PRKAR1B: variants seen among roughly 807,000 people sequenced by gnomAD.
PRKAR1B encodes the protein cAMP-dependent protein kinase type I-beta regulatory subunit.
PRKAR1B carries 22 observed loss-of-function variants against 46.5 expected under a neutral mutation model. The observed-to-expected ratio is 0.47, with a 90% CI of 0.34 to 0.68. The LOEUF is 0.68. PRKAR1B is among the 30% of genes least tolerant of loss of function. The probability of loss-of-function intolerance (pLI) is 0.01; values close to 1 mark genes in which losing one functional copy is unlikely to be tolerated. For synonymous variants in PRKAR1B, 259 were observed against 217.7 expected, an observed-to-expected ratio of 1.19 and a Z score of -1.67; for missense variants, 445 against 535.6, an observed-to-expected ratio of 0.83 and a Z score of 1.67.
rs1554300348 is a variant in PRKAR1B at position 667,153 on chromosome 7, T to TGAA, written c.440+10075_440+10076insTTC. On this transcript the variant is annotated intron_variant, in intron 4 of 10. Transcript: ENST00000537384. This position sits in a 1 kb window ranked among gnomAD's most constrained non-coding sequence, Gnocchi z 4.3. ...ATGAGGATGGTGGTGGTGATGGTGA[T>TGAA]GATAATGATGGTGATGATGACAGTG... 6.7e-6 allele frequency among the ~76,000 whole-genome samples: 1 copy of TGAA among 149,932 alleles called. No homozygotes were observed. Among genetic ancestry groups the TGAA allele is most frequent in the Non-Finnish European group, 1.5e-5 (1 of 66,790 alleles).
chr7:652,122 C>T (rs1784932874), intron 4 of PRKAR1B, among the ~76,000 whole-genome samples: 1 of 138,360 alleles, frequency 7.2e-6, no homozygotes, highest in Non-Finnish European at 1.6e-5. Flanking sequence ...GGAAACCCCT[C>T]TCGGAAGACA....
intron 2 of PRKAR1B, among the ~76,000 whole-genome samples, chr7:685,417 A>G: frequency 8.0e-6 from 1 of 124,840 alleles, no homozygotes; most frequent in South Asian, 3.0e-4. Context: ...TATATACCAA[A>G]AACATTCCAG....
At chr7:634,559 T>G (rs1432838394) in intron 4 of PRKAR1B, among the ~76,000 whole-genome samples, 1 of 151,860 alleles carries the variant, frequency 6.6e-6, no homozygotes, top group Non-Finnish European at 1.5e-5. Flanking sequence ...GTGAGCGCTG[T>G]GCCTGTGATG....
chr7:647,792 G>T lies in PRKAR1B; in HGVS notation c.440+29437C>A, dbSNP rs113353830. 8.1e-3 allele frequency among the ~76,000 whole-genome samples: 898 copies of T among 111,476 alleles called. 7 individuals are homozygous for T. The highest frequency in any genetic ancestry group is 0.029 in the African/African-American group (820 of 28,416). The allele number at this position is 111,476 out of a possible 152,430, so 73.1% of individuals were successfully genotyped here. Reference sequence around the variant, plus strand: ...ACTGCACTCCAGCCTGGGCAACAACGAGACTTCGTCTCCAAAAAAAAAAAA... The same window carrying T: ...ACTGCACTCCAGCCTGGGCAACAACTAGACTTCGTCTCCAAAAAAAAAAAA... On this transcript the variant is annotated intron_variant, in intron 4 of 10. Transcript: ENST00000537384.
At chr7:718,263 C>T (rs1242996539) in intron 1 of PRKAR1B, among the ~76,000 whole-genome samples, 5 of 56,630 alleles carry the variant, frequency 8.8e-5, no homozygotes, top group Non-Finnish European at 1.6e-4. Flanking sequence ...GATACACACA[C>T]ACACACACAC....
At chr7:607,345 AT>A in intron 5 of PRKAR1B, 45 bp downstream of exon 5, 6 of 1,571,024 alleles carry the variant, frequency 3.8e-6, no homozygotes, top group Admixed American at 1.7e-5. Flanking sequence ...TGCATAGTCC[AT>A]TTTTCCCCTC....
In PRKAR1B at chr7:550,082, T is replaced by C. The variant is rs1784082992; in HGVS notation, c.*348A>G. The C allele has an allele frequency of 7.0e-6, 2 of 284,368 alleles. No individual in the cohort carries two copies. The highest frequency in any genetic ancestry group is 1.3e-5 in the Non-Finnish European group (2 of 149,092). The allele number at this position is 284,368 out of a possible 1,614,324, so 17.6% of individuals were successfully genotyped here. A position where few individuals can be genotyped will look rare whatever the true frequency, so the allele number is the denominator to read the frequency against. Reference sequence around the variant, plus strand: ...AGGCCCCAGGGGCAACGTCCTGGCCTGGTTCTGGGGAGGACCGATCCTCAA... The same window carrying C: ...AGGCCCCAGGGGCAACGTCCTGGCCCGGTTCTGGGGAGGACCGATCCTCAA... On this transcript the variant is annotated 3_prime_UTR_variant, in exon 11 of 11. Transcript: ENST00000537384.
intron 4 of PRKAR1B, among the ~76,000 whole-genome samples, chr7:672,215 A>C (rs1367544003): frequency 1.3e-5 from 2 of 151,652 alleles, no homozygotes; most frequent in Admixed American, 6.6e-5. Flanking sequence ...CAGTGGCATG[A>C]TCTCGGCTCA....
rs187366709 is a variant in PRKAR1B at position 646,834 on chromosome 7, G to A, written c.440+30395C>T. 1.1e-4 allele frequency among the ~76,000 whole-genome samples: 16 copies of A among 152,306 alleles called. No homozygotes were observed. In the East Asian group the frequency reaches 1.2e-3, roughly 11 times the overall value. On this transcript the variant is annotated intron_variant, in intron 4 of 10. Transcript: ENST00000537384. The stretch of plus-strand genomic sequence containing the variant: ...AAATGCTTAAATTGGCCATCCGCCC[G>A]ATCATAACAGGAAGAGGGTCCAAAT...
intron 4 of PRKAR1B, among the ~76,000 whole-genome samples, chr7:612,957 G>A (rs928070636): frequency 1.3e-5 from 2 of 151,942 alleles, no homozygotes; most frequent in African/African-American, 2.4e-5. Context: ...AATATTCACC[G>A]AAGCACTGTC....
In PRKAR1B at chr7:680,692, G is replaced by A; in HGVS notation, c.212C>T (p.Ser71Leu). The change falls in exon 3 of 11, where the codon TCA becomes TTA. Residue 71 changes from serine to leucine, a missense_variant. This residue lies in a region of PRKAR1B where 155 missense variants were observed against 127.5 expected (regional missense o/e 1.22). Coordinates refer to ENST00000537384, the MANE Select transcript of PRKAR1B (RefSeq NM_001164760.2). ...ATCATGGGAGTCCGACTGTGAGTTT[G>A]ACTTTTGCCGCGCCAAAATCTGCCT... ...ENRQILARQK[S>L]NSQSDSHDEE... 1.2e-6 allele frequency: 2 copies of A among 1,613,914 alleles called. No homozygotes were observed. Among genetic ancestry groups the A allele is most frequent in the Non-Finnish European group, 1.7e-6 (2 of 1,179,962 alleles).
intron 1 of PRKAR1B, among the ~76,000 whole-genome samples, chr7:723,279 C>T (rs1193523891): frequency 6.6e-6 from 1 of 152,206 alleles, no homozygotes; most frequent in Admixed American, 6.5e-5. Flanking sequence ...GGCAGCTACC[C>T]TCTAGGTCTC....
chr7:638,013 G>A (rs10272685), intron 4 of PRKAR1B, among the ~76,000 whole-genome samples: 3 of 152,036 alleles, frequency 2.0e-5, no homozygotes, highest in African/African-American at 2.4e-5. Context: ...ATGGTGCCCC[G>A]TGTTCTCATC....
chr7:726,645 A>C, intron 1 of PRKAR1B: 1 of 1,106,088 alleles, frequency 9.0e-7, no homozygotes, highest in East Asian at 3.3e-5. Flanking sequence ...CGCAGCGCGG[A>C]CCGGAAGTGC....
chr7:610,101 C>T (rs186042983), intron 4 of PRKAR1B, among the ~76,000 whole-genome samples: 22 of 152,284 alleles, frequency 1.4e-4, no homozygotes, highest in African/African-American at 1.9e-4. Context: ...CCCAGATGGA[C>T]GTTTCCAGTG....
intron 4 of PRKAR1B, among the ~76,000 whole-genome samples, chr7:638,971 G>A (rs748360202): frequency 5.9e-5 from 9 of 152,132 alleles, no homozygotes; most frequent in South Asian, 4.2e-4. Context: ...CCAGCTACTC[G>A]GGAGACTGAG....
chr7:568,961 G>A (rs1007224697), intron 9 of PRKAR1B, among the ~76,000 whole-genome samples: 4 of 151,694 alleles, frequency 2.6e-5, no homozygotes, highest in African/African-American at 7.3e-5. Flanking sequence ...CGGTCTCTGG[G>A]AGGGGAGGGT....
At chr7:616,221 G>A (rs997687777) in intron 4 of PRKAR1B, among the ~76,000 whole-genome samples, 29 of 152,350 alleles carry the variant, frequency 1.9e-4, no homozygotes, top group Non-Finnish European at 2.8e-4. Context: ...CTGTGCTGGA[G>A]GCAGCCCCCT....
intron 4 of PRKAR1B, among the ~76,000 whole-genome samples, chr7:675,359 C>T (rs1171350877): frequency 6.6e-6 from 1 of 152,196 alleles, no homozygotes; most frequent in Admixed American, 6.5e-5. Flanking sequence ...ACACACAGGG[C>T]GGCTGGAGCC....
Sources: gnomAD v4.1 joint callset for allele counts (sites outside exome capture counted in the v4.1 genomes callset) on GRCh38, gnomAD v4.1.1 for gene constraint, gnomAD v4.1.1 regional missense constraint, Gnocchi (gnomAD v3.1) non-coding constraint, MANE v1.5 for transcripts, NCBI Gene and HGNC (gene_info 2026-07-23, HGNC 2026-07-21) for gene names.